HS6ST3: variants seen among roughly 807,000 people sequenced by gnomAD.
HS6ST3 encodes the protein heparan-sulfate 6-O-sulfotransferase 3.
A neutral mutation model predicts 36.7 loss-of-function variants in HS6ST3; 12 were observed. The ratio of observed to expected loss-of-function variants is 0.33; its 90% CI spans 0.21 to 0.53. HS6ST3 has a LOEUF of 0.53. HS6ST3 is among the 20% of genes least tolerant of loss of function. The pLI, the probability that HS6ST3 is intolerant of heterozygous loss-of-function variation, is 0.95. For synonymous variants in HS6ST3, 240 were observed against 257.5 expected (o/e 0.93, Z 0.65); for missense variants, 584 against 640.9 (o/e 0.91, Z 0.96).
rs992257863 is a variant in HS6ST3, at chr13:96,623,634, C to T, written c.708-208856C>T. 1.1e-4 allele frequency among the ~76,000 whole-genome samples: 16 copies of T among 152,150 alleles called. No individual in the cohort carries two copies. In the East Asian group the frequency reaches 1.9e-3, roughly 18 times the overall value. On this transcript the variant is annotated intron_variant, in intron 1 of 1. Transcript: ENST00000376705. ...CACTTTCTTATATCTCATTGGGTCA[C>T]GTTTCATTAACTGTTTTGAACTAAA...
intron 1 of HS6ST3, among the ~76,000 whole-genome samples, chr13:96,662,497 T>TTG (rs1409228712): frequency 2.4e-5 from 3 of 124,794 alleles, no homozygotes; most frequent in African/African-American, 3.1e-5. Context: ...CATATCATGT[T>TTG]TGTGTGTGTG....
chr13:96,507,984 G>A (rs1205700875), intron 1 of HS6ST3, among the ~76,000 whole-genome samples: 1 of 152,048 alleles, frequency 6.6e-6, no homozygotes, highest in Non-Finnish European at 1.5e-5. Context: ...TAAGAGTGAC[G>A]AAGAACTTTA....
chr13:96,722,546 G>A (rs1409557227), intron 1 of HS6ST3, among the ~76,000 whole-genome samples: 3 of 152,172 alleles, frequency 2.0e-5, no homozygotes, highest in South Asian at 2.1e-4. Flanking sequence ...ATGGGTGTTC[G>A]CTTTGGATCC....
At chr13:96,186,086 A>G (rs1365819882) in intron 1 of HS6ST3, among the ~76,000 whole-genome samples, 1 of 152,228 alleles carries the variant, frequency 6.6e-6, no homozygotes, top group African/African-American at 2.4e-5. Flanking sequence ...ATATATGTGT[A>G]TATGCGTGTA....
At chr13:96,668,846 C>A (rs888493650) in intron 1 of HS6ST3, among the ~76,000 whole-genome samples, 1 of 149,894 alleles carries the variant, frequency 6.7e-6, no homozygotes, top group African/African-American at 2.4e-5. Flanking sequence ...TTACATTTAC[C>A]CTTGAGGATA....
At chr13:96,173,219 T>C (rs2054196458) in intron 1 of HS6ST3, among the ~76,000 whole-genome samples, 1 of 152,124 alleles carries the variant, frequency 6.6e-6, no homozygotes, top group Non-Finnish European at 1.5e-5. Context: ...TGTATCTCTG[T>C]AAACTAGGTG....
At chr13:96,350,674 T>C (rs888644863) in intron 1 of HS6ST3, among the ~76,000 whole-genome samples, 6 of 152,334 alleles carry the variant, frequency 3.9e-5, no homozygotes, top group African/African-American at 1.2e-4. Flanking sequence ...TTACTTTACC[T>C]AGTTGTTATT....
intron 1 of HS6ST3, among the ~76,000 whole-genome samples, chr13:96,748,409 A>C (rs1229579277): frequency 6.6e-6 from 1 of 152,104 alleles, no homozygotes; most frequent in Admixed American, 6.6e-5. Flanking sequence ...ACAGTTGAGG[A>C]GGAAGACCAC....
chr13:96,102,407 A>G (rs2053822455), intron 1 of HS6ST3, among the ~76,000 whole-genome samples: 1 of 152,102 alleles, frequency 6.6e-6, no homozygotes, highest in African/African-American at 2.4e-5. Context: ...GCTTGAACCC[A>G]GGAGGGGGAG....
intron 1 of HS6ST3, among the ~76,000 whole-genome samples, chr13:96,425,293 C>T (rs2139470751): frequency 6.6e-6 from 1 of 152,278 alleles, no homozygotes; most frequent in South Asian, 2.1e-4. Context: ...TTATTATATC[C>T]TGCAGTTTGC....
chr13:96,777,709 G>A (rs1877423002), intron 1 of HS6ST3, among the ~76,000 whole-genome samples: 1 of 152,116 alleles, frequency 6.6e-6, no homozygotes, highest in East Asian at 1.9e-4. Flanking sequence ...CCATGTTCAT[G>A]GATAGGAAGA....
At chr13:96,689,241 C>T (rs1296354052) in intron 1 of HS6ST3, among the ~76,000 whole-genome samples, 1 of 152,002 alleles carries the variant, frequency 6.6e-6, no homozygotes, top group African/African-American at 2.4e-5. Context: ...GTTATTACTA[C>T]TCCCAAGCCT....
At chr13:96,649,452 A>C (rs1414553378) in intron 1 of HS6ST3, among the ~76,000 whole-genome samples, 1 of 152,062 alleles carries the variant, frequency 6.6e-6, no homozygotes, top group Non-Finnish European at 1.5e-5. Context: ...ATTCAAGATG[A>C]TATTTGGGTA....
chr13:96,207,685 G>A (rs1378798732), intron 1 of HS6ST3, among the ~76,000 whole-genome samples: 1 of 152,146 alleles, frequency 6.6e-6, no homozygotes, highest in Non-Finnish European at 1.5e-5. Flanking sequence ...GCAGGGACAT[G>A]GATGGAATTG....
chr13:96,277,293 CCT>C lies in HS6ST3; in HGVS notation c.707+185727_707+185728del, dbSNP rs557940148. 8.0e-4 allele frequency among the ~76,000 whole-genome samples: 121 copies of C among 152,116 alleles called. 2 individuals are homozygous for C. In the South Asian group the frequency reaches 0.024, roughly 31 times the overall value. ...CTGTGACGTTATGGTTGAATTTTAC[CCT>C]CTGTCTTTGTCTTGTGTCATTTACT... On this transcript the variant is annotated intron_variant, in intron 1 of 1. Transcript: ENST00000376705.
At chr13:96,206,202 T>C (rs2054369577) in intron 1 of HS6ST3, among the ~76,000 whole-genome samples, 1 of 152,022 alleles carries the variant, frequency 6.6e-6, no homozygotes, top group East Asian at 1.9e-4. Flanking sequence ...TGAATGTACT[T>C]CCATTCACAA....
Position 96,326,167 on chromosome 13 carries a change from CTT to C in HS6ST3, c.707+234608_707+234609del, listed in dbSNP as rs11334148. 7.3e-3 allele frequency among the ~76,000 whole-genome samples: 1,007 copies of C among 137,722 alleles called. 9 individuals are homozygous for C. Among genetic ancestry groups the C allele is most frequent in the African/African-American group, 0.014 (537 of 39,006 alleles). 90.4% of individuals were successfully genotyped at this position (137,722 alleles called of 152,430 possible). A position where few individuals can be genotyped will look rare whatever the true frequency, so the allele number is the denominator to read the frequency against. ...GAAACATCTGATATATTCATTTTTT[CTT>C]TTTTTTTTTAATTTTTTTTTATTAT... On this transcript the variant is annotated intron_variant, in intron 1 of 1. Transcript: ENST00000376705.
chr13:96,813,422 C>T (rs1001050766), intron 1 of HS6ST3, among the ~76,000 whole-genome samples: 3 of 152,162 alleles, frequency 2.0e-5, no homozygotes, highest in Non-Finnish European at 4.4e-5. Flanking sequence ...AGGAATGAGA[C>T]CCTGGGGCAC....
intron 1 of HS6ST3, among the ~76,000 whole-genome samples, chr13:96,245,777 A>G (rs2054582229): frequency 6.6e-6 from 1 of 152,154 alleles, no homozygotes; most frequent in Non-Finnish European, 1.5e-5. Context: ...TCTACTGCTC[A>G]TGCTAGGTTT....
Sources: gnomAD v4.1 joint callset for allele counts (sites outside exome capture counted in the v4.1 genomes callset) on GRCh38, gnomAD v4.1.1 for gene constraint, MANE v1.5 for transcripts, NCBI Gene and HGNC (gene_info 2026-07-23, HGNC 2026-07-21) for gene names.